ANKS3: variants seen among roughly 807,000 people sequenced by gnomAD.
ANKS3 encodes ankyrin repeat and sterile alpha motif domain containing 3.
A neutral mutation model predicts 80.7 loss-of-function variants in ANKS3; 62 were observed. That is an observed-to-expected ratio of 0.77 (90% CI 0.63 to 0.95). The LOEUF is 0.95. Among genes scored for constraint, ANKS3 ranks in the 40% least tolerant of loss-of-function variants. The pLI is 0.00. For missense variants in ANKS3, 1,150 were observed against 883.6 expected (o/e 1.30, Z -3.82); for synonymous variants, 489 against 355.3 (o/e 1.38, Z -4.23).
chr16:4,699,021 C>T, intron 12 of ANKS3, 31 bp downstream of exon 12: 2 of 1,614,176 alleles, frequency 1.2e-6, no homozygotes, highest in South Asian at 2.2e-5. Context: ...CAACCCCGGG[C>T]TGAGGGCCAG....
At chr16:4,712,865 T>C (rs1227167220) in intron 7 of ANKS3, among the ~76,000 whole-genome samples, 1 of 152,156 alleles carries the variant, frequency 6.6e-6, no homozygotes, top group African/African-American at 2.4e-5. Flanking sequence ...GGAAGCAGTG[T>C]ATCCATCGAT....
intron 3 of ANKS3, chr16:4,727,725 C>T (rs959804238): frequency 1.9e-5 from 3 of 154,818 alleles, no homozygotes; most frequent in Non-Finnish European, 2.9e-5. Flanking sequence ...CAAGTCCCAC[C>T]GCCACTGATT....
chr16:4,732,920 A>C (rs2081726678), intron 1 of ANKS3, among the ~76,000 whole-genome samples: 1 of 152,162 alleles, frequency 6.6e-6, no homozygotes, highest in African/African-American at 2.4e-5. Flanking sequence ...TCATTTGCAA[A>C]AACATGGATG....
At chr16:4,731,090 T>A (rs1015870043) in intron 2 of ANKS3, among the ~76,000 whole-genome samples, 1 of 152,132 alleles carries the variant, frequency 6.6e-6, no homozygotes, top group African/African-American at 2.4e-5. Flanking sequence ...TTACGCTAAA[T>A]GGAAGAAGCC....
intron 6 of ANKS3, among the ~76,000 whole-genome samples, chr16:4,719,699 T>C (rs1478148201): frequency 1.3e-5 from 2 of 151,622 alleles, no homozygotes; most frequent in African/African-American, 2.4e-5. Context: ...CTGAGGAGGC[T>C]GAGGCAGAAG....
At chr16:4,709,091 C>T (rs2080351529) in intron 7 of ANKS3, among the ~76,000 whole-genome samples, 1 of 151,884 alleles carries the variant, frequency 6.6e-6, no homozygotes, top group African/African-American at 2.4e-5. Context: ...CATACTGAGA[C>T]ACTGTCTCTA....
At chr16:4,721,553 G>C (rs1489240448) in intron 6 of ANKS3, among the ~76,000 whole-genome samples, 2 of 151,450 alleles carry the variant, frequency 1.3e-5, no homozygotes, top group African/African-American at 2.4e-5. Flanking sequence ...CAAGGCTGCA[G>C]TGAGCTGAGA....
chr16:4,714,127 C>T lies in ANKS3; in HGVS notation c.633G>A (p.Gln211=), dbSNP rs1202913364. The change falls in exon 7 of 18, where the codon CAG becomes CAA. Residue 211 remains glutamine (Q), a synonymous_variant. Coordinates refer to ENST00000304283, the MANE Select transcript of ANKS3 (RefSeq NM_133450.4). ...SGATARMLAK[Q]YGHMKIVALM... is the part of the protein sequence containing the mutation. ...AGGCCACGATCTTCATGTGTCCGTA[C>T]TGCTTGGCCAGCATCCGGGCTGTGG... 4 of 1,614,082 alleles carry T rather than the reference C, an allele frequency of 2.5e-6. No homozygotes were observed. The highest frequency in any genetic ancestry group is 3.4e-6 in the Non-Finnish European group (4 of 1,180,048).
At chr16:4,723,678 T>C (rs1000014433) in intron 6 of ANKS3, among the ~76,000 whole-genome samples, 1 of 152,214 alleles carries the variant, frequency 6.6e-6, no homozygotes, top group Non-Finnish European at 1.5e-5. Flanking sequence ...TATACAGATA[T>C]ATATTTTGTT....
intron 6 of ANKS3, among the ~76,000 whole-genome samples, chr16:4,722,935 A>G (rs1209339650): frequency 1.3e-5 from 2 of 152,066 alleles, no homozygotes; most frequent in Non-Finnish European, 2.9e-5. Context: ...TCTCCAAAAA[A>G]AAAAAAAAAG....
At chr16:4,720,756 A>G (rs1365511089) in intron 6 of ANKS3, among the ~76,000 whole-genome samples, 2 of 150,266 alleles carry the variant, frequency 1.3e-5, no homozygotes, top group African/African-American at 2.4e-5. Flanking sequence ...CCTGACCAAC[A>G]TGCCGAAACC....
intron 7 of ANKS3, among the ~76,000 whole-genome samples, chr16:4,706,204 T>C (rs2080180065): frequency 6.6e-6 from 1 of 152,090 alleles, no homozygotes; most frequent in African/African-American, 2.4e-5. Flanking sequence ...TGGAAACAAC[T>C]TATTAAGCAA....
chr16:4,724,493 T>C (rs1047545531), intron 6 of ANKS3, among the ~76,000 whole-genome samples: 14 of 152,246 alleles, frequency 9.2e-5, no homozygotes, highest in African/African-American at 3.1e-4. Context: ...CTATTTACTT[T>C]TAAAATATTT....
Position 4,697,015 on chromosome 16 carries a change from ACCGGCCCG to A in ANKS3, c.*5_*11+1del. ...GCGGGATCCAGGCTGGCAGACACTC[ACCGGCCCG>A]CAGGCTAGGTCTCCCGCCACTTCTT... On this transcript the variant is annotated splice_donor_variant and 3_prime_UTR_variant, in exon 17 of 18. Transcript: ENST00000304283. LOFTEE classifies it low-confidence loss of function (3UTR_SPLICE). 1.2e-6 allele frequency: 2 copies of A among 1,610,778 alleles called. No individual in the cohort carries two copies. The highest frequency in any genetic ancestry group is 2.2e-5 in the South Asian group (2 of 90,600).
At chr16:4,715,732 AT>A in intron 6 of ANKS3, among the ~76,000 whole-genome samples, 2 of 152,146 alleles carry the variant, frequency 1.3e-5, no homozygotes, top group Admixed American at 1.3e-4. Flanking sequence ...GTTATTTACT[AT>A]TTTTGATGGG....
At chr16:4,710,880 T>C (rs1043881115) in intron 7 of ANKS3, among the ~76,000 whole-genome samples, 4 of 152,060 alleles carry the variant, frequency 2.6e-5, no homozygotes, top group African/African-American at 9.7e-5. Context: ...CTTACTGCAA[T>C]CTCCCCCTCC....
intron 6 of ANKS3, among the ~76,000 whole-genome samples, chr16:4,716,730 T>C (rs1000289281): frequency 2.0e-5 from 3 of 150,954 alleles, no homozygotes; most frequent in Non-Finnish European, 3.0e-5. Flanking sequence ...GCCTGGGCAA[T>C]GTGGTGAAAC....
intron 7 of ANKS3, among the ~76,000 whole-genome samples, chr16:4,713,635 A>C (rs937195371): frequency 5.9e-5 from 9 of 152,258 alleles, no homozygotes; most frequent in Non-Finnish European, 1.2e-4. Flanking sequence ...AGACAACAAC[A>C]CAAAGATATA....
chr16:4,715,924 G>C (rs1306222196), intron 6 of ANKS3, among the ~76,000 whole-genome samples: 2 of 152,024 alleles, frequency 1.3e-5, no homozygotes, highest in South Asian at 2.1e-4. Flanking sequence ...AGCATAGTGA[G>C]AATCAGAAGG....
Sources: allele counts gnomAD v4.1 joint callset (sites outside exome capture counted in the v4.1 genomes callset), GRCh38; gene constraint gnomAD v4.1.1; transcripts MANE v1.5; gene names NCBI Gene and HGNC (gene_info 2026-07-23, HGNC 2026-07-21).